CTNNA2: variants seen among roughly 807,000 people sequenced by gnomAD.
The protein encoded by CTNNA2 is catenin alpha-2.
Under a neutral mutation model 101.0 loss-of-function variants are expected in CTNNA2, and 42 were observed. That is an observed-to-expected ratio of 0.42 (90% CI 0.32 to 0.54). The LOEUF (loss-of-function observed/expected upper bound fraction) is 0.54. Ranked by LOEUF, CTNNA2 falls within the 20% of genes least tolerant of loss-of-function variation. CTNNA2 has a pLI of 0.14. For synonymous variants in CTNNA2, 450 were observed against 456.4 expected (o/e 0.99, Z 0.18); for missense variants, 871 against 1,223.1 (o/e 0.71, Z 4.29).
At chr2:79,747,447 A>G (rs896950596) in intron 3 of CTNNA2, among the ~76,000 whole-genome samples, 1 of 152,214 alleles carries the variant, frequency 6.6e-6, no homozygotes, top group African/African-American at 2.4e-5. Flanking sequence ...CCATGAAACC[A>G]TCTTTGCACT....
chr2:80,156,528 A>C (rs2148936847), intron 7 of CTNNA2, among the ~76,000 whole-genome samples: 1 of 152,330 alleles, frequency 6.6e-6, no homozygotes, highest in Middle Eastern at 3.4e-3. Context: ...GTAGCAATCT[A>C]GGCTTAGGAG....
At chr2:80,401,671 T>C (rs1573952602) in intron 8 of CTNNA2, among the ~76,000 whole-genome samples, 1 of 152,096 alleles carries the variant, frequency 6.6e-6, no homozygotes, top group East Asian at 1.9e-4. Flanking sequence ...GTGGTATATC[T>C]GAGGATTTGT....
At chr2:79,291,880 C>T (rs1035487545) in intron 2 of CTNNA2, among the ~76,000 whole-genome samples, 3 of 152,030 alleles carry the variant, frequency 2.0e-5, no homozygotes, top group African/African-American at 7.3e-5. Flanking sequence ...GTTTCTATTG[C>T]CATGGCAGCC....
intron 2 of CTNNA2, among the ~76,000 whole-genome samples, chr2:79,653,642 G>T (rs1681412533): frequency 6.6e-6 from 1 of 152,110 alleles, no homozygotes; most frequent in Non-Finnish European, 1.5e-5. Flanking sequence ...TTTCTTGAAA[G>T]CACGTCTCCT....
At chr2:80,197,337 G>T (rs1311385964) in intron 7 of CTNNA2, among the ~76,000 whole-genome samples, 4 of 151,966 alleles carry the variant, frequency 2.6e-5, no homozygotes, top group Non-Finnish European at 5.9e-5. Context: ...TGAACAGATT[G>T]TCTGCTTGGA....
At chr2:80,198,791 A>C (rs1019685546) in intron 7 of CTNNA2, among the ~76,000 whole-genome samples, 7 of 152,298 alleles carry the variant, frequency 4.6e-5, no homozygotes, top group African/African-American at 1.7e-4. Flanking sequence ...CCGTGATGTC[A>C]TTGCTCATTA....
intron 7 of CTNNA2, among the ~76,000 whole-genome samples, chr2:80,066,278 A>G (rs754390445): frequency 1.3e-5 from 2 of 152,216 alleles, no homozygotes; most frequent in African/African-American, 2.4e-5. Flanking sequence ...GATTGAAGAG[A>G]CAACCTATGA....
chr2:79,299,660 T>C (rs1573051882), intron 2 of CTNNA2, among the ~76,000 whole-genome samples: 1 of 152,310 alleles, frequency 6.6e-6, no homozygotes, highest in Admixed American at 6.5e-5. Flanking sequence ...GTCTTCGGGT[T>C]CTGTGGACAC....
At chr2:79,984,409 A>G (rs1257345605) in intron 7 of CTNNA2, among the ~76,000 whole-genome samples, 1 of 152,152 alleles carries the variant, frequency 6.6e-6, no homozygotes, top group Non-Finnish European at 1.5e-5. Context: ...AAAAGGGCTG[A>G]TTGTGCTCAT....
chr2:80,294,469 G>C (rs1469177965), intron 7 of CTNNA2, among the ~76,000 whole-genome samples: 2 of 151,402 alleles, frequency 1.3e-5, no homozygotes, highest in Non-Finnish European at 2.9e-5. Context: ...ACCCCATGGA[G>C]CCCTGACCCC....
At chr2:79,643,781 G>C (rs1237144099) in intron 1 of CTNNA2, among the ~76,000 whole-genome samples, 1 of 152,034 alleles carries the variant, frequency 6.6e-6, no homozygotes, top group Non-Finnish European at 1.5e-5. Flanking sequence ...GCTGGTGACT[G>C]AATTCAGTTC....
intron 1 of CTNNA2, chr2:79,514,834 A>G (rs2103840289): frequency 6.6e-6 from 1 of 152,378 alleles, no homozygotes; most frequent in Non-Finnish European, 1.5e-5. Context: ...GACCAAAATT[A>G]ATGGTGGATT....
At chr2:80,576,019 A>G (rs1695007769) in intron 13 of CTNNA2, among the ~76,000 whole-genome samples, 1 of 152,184 alleles carries the variant, frequency 6.6e-6, no homozygotes, top group Admixed American at 6.5e-5. Flanking sequence ...TCTGAATGTA[A>G]TGATTGAGTC....
chr2:80,633,200 AAAAGATTATGTTTTAAAAGTTTTT>A (rs1356684083), intron 18 of CTNNA2, among the ~76,000 whole-genome samples: 8 of 152,068 alleles, frequency 5.3e-5, no homozygotes, highest in Non-Finnish European at 4.4e-5. Flanking sequence ...ATGACACATT[AAAAGATTATGTTTTAAAAGTTTTT>A]AAATTTTTTG....
chr2:80,257,761 A>G (rs1672288456), intron 7 of CTNNA2, among the ~76,000 whole-genome samples: 1 of 151,922 alleles, frequency 6.6e-6, no homozygotes, highest in African/African-American at 2.4e-5. Context: ...GCATTCTGTC[A>G]GGAATAAGCA....
Position 79,519,274 on chromosome 2 carries a change from T to C in CTNNA2, c.-6+6067T>C, listed in dbSNP as rs185215958. ...AGTCTTGGGGAAAAATAAATCTGTG[T>C]CTAAATTCATCTCTCTACTGCACTT... On this transcript the variant is annotated intron_variant, in intron 1 of 18. Coordinates refer to ENST00000402739, the MANE Select transcript of CTNNA2 (RefSeq NM_001282597.3). Among the ~76,000 whole-genome samples the C allele has an allele frequency of 4.0e-3, 606 of 151,686 alleles. 3 individuals are homozygous for C. Among genetic ancestry groups the C allele is most frequent in the Middle Eastern group, 0.014 (4 of 292 alleles).
chr2:79,299,963 T>C, intron 2 of CTNNA2, among the ~76,000 whole-genome samples: 1 of 152,164 alleles, frequency 6.6e-6, no homozygotes, highest in South Asian at 2.1e-4. Flanking sequence ...AAGGACAGAG[T>C]TGCTGTATAA....
At chr2:80,421,759 G>A (rs886912095) in intron 9 of CTNNA2, among the ~76,000 whole-genome samples, 1 of 148,784 alleles carries the variant, frequency 6.7e-6, no homozygotes, top group Non-Finnish European at 1.5e-5. Context: ...TCTGGCCTCT[G>A]TGTGACTAGG....
chr2:79,942,321 G>T (rs1688215030), intron 7 of CTNNA2, among the ~76,000 whole-genome samples: 2 of 152,124 alleles, frequency 1.3e-5, no homozygotes, highest in South Asian at 4.1e-4. Flanking sequence ...CTGGTAGATG[G>T]CAGAGATGAT....
Sources: allele counts gnomAD v4.1 joint callset (sites outside exome capture counted in the v4.1 genomes callset), GRCh38; gene constraint gnomAD v4.1.1; transcripts MANE v1.5; gene names NCBI Gene and HGNC (gene_info 2026-07-23, HGNC 2026-07-21).